Variants in EGFLAM observed in about 807,000 individuals in gnomAD.
EGFLAM encodes EGF like, fibronectin type III and laminin G domains.
In EGFLAM, 79 loss-of-function variants were observed where a neutral mutation model predicts 113.1. That is an observed-to-expected ratio of 0.70 (90% confidence interval 0.58 to 0.84). The LOEUF (loss-of-function observed/expected upper bound fraction) is 0.84. Among genes scored for constraint, EGFLAM ranks in the 40% least tolerant of loss-of-function variants. The probability of loss-of-function intolerance (pLI) is 0.00; values close to 1 mark genes in which losing one functional copy is unlikely to be tolerated. For synonymous variants in EGFLAM, 504 were observed against 487.6 expected (o/e 1.03, Z -0.44); for missense variants, 1,265 against 1,291.6 (o/e 0.98, Z 0.32).
At chr5:38,338,980 GAA>G (rs1739264899) in intron 3 of EGFLAM, among the ~76,000 whole-genome samples, 199 bp downstream of exon 3, 1 of 152,176 alleles carries the variant, frequency 6.6e-6, no homozygotes, top group South Asian at 2.1e-4. Flanking sequence ...GGCATCTGAC[GAA>G]AGAGTCCTGG....
At chr5:38,438,148 C>G in intron 16 of EGFLAM, 127 bp from the exon 17 acceptor site, 5 of 739,072 alleles carry the variant, frequency 6.8e-6, no homozygotes, top group Non-Finnish European at 9.6e-6. Context: ...AAAGTGGAAA[C>G]TGGACTTAAA....
intron 1 of EGFLAM, among the ~76,000 whole-genome samples, chr5:38,336,704 C>G (rs896175552): frequency 1.3e-5 from 2 of 152,008 alleles, no homozygotes; most frequent in African/African-American, 2.4e-5. Flanking sequence ...CTCAAGGGAA[C>G]TGCCCATTGA....
intron 5 of EGFLAM, among the ~76,000 whole-genome samples, chr5:38,361,676 G>A (rs568407572): frequency 3.9e-5 from 6 of 152,196 alleles, no homozygotes; most frequent in Admixed American, 1.3e-4. Context: ...TTTATTTTGG[G>A]CCACATTCAA....
intron 17 of EGFLAM, among the ~76,000 whole-genome samples, chr5:38,442,374 TA>T (rs1176449728): frequency 6.8e-6 from 1 of 147,828 alleles, no homozygotes; most frequent in Non-Finnish European, 1.5e-5. Context: ...CATAATATGT[TA>T]ATATTTAATA....
intron 6 of EGFLAM, among the ~76,000 whole-genome samples, chr5:38,386,556 G>A (rs1204970481): frequency 6.6e-6 from 1 of 151,880 alleles, no homozygotes; most frequent in Non-Finnish European, 1.5e-5. Context: ...TGCCAGGCTG[G>A]AGTGCAGTGG....
rs559089419 is a variant in EGFLAM at position 38,395,317 on chromosome 5, C to T, written c.713-10809C>T. Among the ~76,000 whole-genome samples, 64 of 147,422 alleles carry T rather than the reference C, an allele frequency of 4.3e-4. 1 individual carries two copies. Among genetic ancestry groups the T allele is most frequent in the African/African-American group, 1.6e-3 (63 of 39,530 alleles). On this transcript the variant is annotated intron_variant, in intron 6 of 21. Transcript: ENST00000322350. The stretch of plus-strand genomic sequence containing the variant: ...GGAGGGCAGTGGTGCAATCATAGAT[C>T]ACTACAGCCTGGAACTCCTGAGCTA...
intron 1 of EGFLAM, among the ~76,000 whole-genome samples, chr5:38,304,533 T>C (rs1318725563): frequency 6.6e-6 from 1 of 152,192 alleles, no homozygotes; most frequent in Non-Finnish European, 1.5e-5. Flanking sequence ...AGGTAGGATA[T>C]TGAAAGATCT....
At chr5:38,380,177 C>T (rs1444634257) in intron 6 of EGFLAM, among the ~76,000 whole-genome samples, 5 of 152,214 alleles carry the variant, frequency 3.3e-5, no homozygotes, top group African/African-American at 7.2e-5. Flanking sequence ...ATTTGGCCCA[C>T]GGGCCACAGT....
chr5:38,459,161 C>T (rs1259393006), intron 20 of EGFLAM, among the ~76,000 whole-genome samples: 1 of 152,046 alleles, frequency 6.6e-6, no homozygotes, highest in African/African-American at 2.4e-5. Context: ...CCACTTCAGC[C>T]TCTTGAGTAG....
intron 6 of EGFLAM, chr5:38,403,597 C>T: frequency 4.0e-6 from 2 of 499,916 alleles, no homozygotes; most frequent in East Asian, 8.6e-5. Flanking sequence ...ACGGATATGC[C>T]AGACAGAGGG....
chr5:38,455,018 G>A (rs576015297), intron 19 of EGFLAM, among the ~76,000 whole-genome samples: 8 of 152,290 alleles, frequency 5.3e-5, no homozygotes, highest in Admixed American at 1.3e-4. Flanking sequence ...GTGATTGTAT[G>A]TGGGGCATAA....
rs181110547 is a variant in EGFLAM, at chr5:38,307,710, C to G, written c.98-29810C>G. 7.2e-5 allele frequency among the ~76,000 whole-genome samples: 11 copies of G among 152,338 alleles called. No homozygotes were observed. The East Asian group carries it at 1.9e-3, about 27-fold the overall frequency. On this transcript the variant is annotated intron_variant, in intron 1 of 21. Coordinates refer to ENST00000322350, the MANE Select transcript of EGFLAM (RefSeq NM_152403.4). ...CTGCTGTTTTTCCTATTACTCTTTG[C>G]ATATTATTCTCTTGCCAGTGATCTT...
intron 1 of EGFLAM, among the ~76,000 whole-genome samples, chr5:38,277,619 G>C (rs1417512833): frequency 6.6e-6 from 1 of 152,116 alleles, no homozygotes; most frequent in African/African-American, 2.4e-5. Flanking sequence ...AAGTGAAACT[G>C]TCCCTCTTTG....
chr5:38,443,165 C>T (rs1259442369), intron 17 of EGFLAM, among the ~76,000 whole-genome samples: 1 of 152,132 alleles, frequency 6.6e-6, no homozygotes, highest in Non-Finnish European at 1.5e-5. Flanking sequence ...ACTTGGGAGG[C>T]TGAGGCAGGA....
intron 2 of EGFLAM, 151 bp downstream of exon 2, chr5:38,337,780 G>A (rs1354784555): frequency 1.5e-6 from 1 of 683,822 alleles, no homozygotes; most frequent in African/African-American, 1.8e-5. Context: ...CCGCTTTGGA[G>A]GGTATTTGTA....
chr5:38,394,267 G>T (rs184651285), intron 6 of EGFLAM, among the ~76,000 whole-genome samples: 10 of 152,108 alleles, frequency 6.6e-5, no homozygotes, highest in Non-Finnish European at 1.5e-4. Context: ...ACTTAGGGCT[G>T]TGGTTCCAGG....
At chr5:38,396,488 T>A (rs1253248573) in intron 6 of EGFLAM, among the ~76,000 whole-genome samples, 1 of 152,262 alleles carries the variant, frequency 6.6e-6, no homozygotes, top group African/African-American at 2.4e-5. Flanking sequence ...CAGAGCACCC[T>A]GCAAGATTTG....
intron 1 of EGFLAM, among the ~76,000 whole-genome samples, chr5:38,310,851 T>A (rs934054564): frequency 1.3e-5 from 2 of 152,182 alleles, no homozygotes; most frequent in Non-Finnish European, 2.9e-5. Flanking sequence ...CAAAGAGTTG[T>A]TCACGTGTGA....
Position 38,352,237 on chromosome 5 carries a change from A to G in EGFLAM, c.451A>G (p.Ile151Val), listed in dbSNP as rs767125852. 1.2e-6 allele frequency: 2 copies of G among 1,613,848 alleles called. No individual in the cohort carries two copies. Among genetic ancestry groups the G allele is most frequent in the African/African-American group, 2.7e-5 (2 of 74,870 alleles). ...TGCAGCTCCCCAGCAGCCACATGTC[A>G]TTGTGGTTTCGGATTCTGAGGTGGC... ...PPAAPQQPHVIVVSDSEVALS... is the reference protein window; with the variant it reads ...PPAAPQQPHVVVVSDSEVALS... The change falls in exon 5 of 22, where the codon ATT (isoleucine) becomes GTT (valine). Residue 151 changes from isoleucine (I) to valine (V), a missense_variant. Ile to Val is a conservative substitution (Grantham distance 29). Coordinates refer to ENST00000322350, the MANE Select transcript of EGFLAM (RefSeq NM_152403.4).
Sources: gnomAD v4.1 joint callset for allele counts (sites outside exome capture counted in the v4.1 genomes callset) on GRCh38, gnomAD v4.1.1 for gene constraint, MANE v1.5 for transcripts, NCBI Gene and HGNC (gene_info 2026-07-23, HGNC 2026-07-21) for gene names.